Variants in GZMH observed in about 807,000 individuals in gnomAD.
GZMH encodes the protein cathepsin G-like 2, protein h-CCPX.
In GZMH, 24 loss-of-function variants were observed where a neutral mutation model predicts 20.7. That is an observed-to-expected ratio of 1.16 (90% CI 0.84 to 1.63). The LOEUF (loss-of-function observed/expected upper bound fraction) is 1.63. GZMH is among the 40% of genes most tolerant of loss of function. The probability of loss-of-function intolerance (pLI) is 0.00; values close to 1 mark genes in which losing one functional copy is unlikely to be tolerated. For missense variants in GZMH, 344 were observed against 302.7 expected, an observed-to-expected ratio of 1.14 and a Z score of -1.01; for synonymous variants, 119 against 116.1, an observed-to-expected ratio of 1.02 and a Z score of -0.16.
rs2066878299 is a variant in GZMH, at chr14:24,607,422, C to G, written c.340-16G>C. ...TTCTCTCCAGCTGGTGGGGAAGAAGCAAGAAAGTCCAGGTCAGGCAATGGC... is the reference window on the plus strand; with the variant it reads ...TTCTCTCCAGCTGGTGGGGAAGAAGGAAGAAAGTCCAGGTCAGGCAATGGC... On this transcript the variant is annotated splice_polypyrimidine_tract_variant and intron_variant, in intron 3 of 4. Transcript: ENST00000216338. 6.3e-7 allele frequency: 1 copy of G among 1,583,128 alleles called. No individual in the cohort carries two copies. Among genetic ancestry groups the G allele is most frequent in the South Asian group, 1.2e-5 (1 of 86,492 alleles).
At chr14:24,607,453 G>A in intron 3 of GZMH, 47 bp from the exon 4 acceptor site, 1 of 1,574,300 alleles carries the variant, frequency 6.4e-7, no homozygotes, top group Non-Finnish European at 8.6e-7. Flanking sequence ...ATGGCCTTCT[G>A]GGCCCCGACA....
intron 4 of GZMH, 114 bp downstream of exon 4, chr14:24,607,035 A>G: frequency 8.9e-7 from 1 of 1,126,366 alleles, no homozygotes; most frequent in Non-Finnish European, 1.3e-6. Context: ...AGGGGGACAC[A>G]GGCTGCCCAA....
rs541491389 is a variant in GZMH at position 24,608,221 on chromosome 14, C to G, written c.203+44G>C. Reference sequence around the variant, plus strand: ...GCAGTCCCCAGGAGAAAACAAGGGTCCCTGTAGGGGGAACTCAGGAGGTGA... The same window carrying G: ...GCAGTCCCCAGGAGAAAACAAGGGTGCCTGTAGGGGGAACTCAGGAGGTGA... On this transcript the variant is annotated intron_variant, in intron 2 of 4. Transcript: ENST00000216338. 22 of 1,608,354 alleles carry G rather than the reference C, an allele frequency of 1.4e-5. No individual in the cohort carries two copies. The East Asian group carries it at 4.7e-4, about 34-fold the overall frequency.
chr14:24,606,573 C>G lies in GZMH; in HGVS notation c.*30G>C, dbSNP rs372416422. 3.6e-5 allele frequency: 57 copies of G among 1,603,956 alleles called. No homozygotes were observed. The African/African-American group carries it at 5.6e-4, about 16-fold the overall frequency. On this transcript the variant is annotated 3_prime_UTR_variant, in exon 5 of 5. Transcript: ENST00000216338. ...TGCCTCTGTCCCAGAGATGGTCAGG[C>G]CCAGAGGAAGGTTAGTCTCATGCCT...
At position 24,606,617 on chromosome 14, in the gene GZMH, T is replaced by A; in HGVS notation, c.727A>T (p.Met243Leu). Reference protein sequence around the residue: ...SHFLPWIKRTMKRL With the variant: ...SHFLPWIKRTLKRL ...CATGCCTGCTGTTAGAGGCGCTTCA[T>A]TGTTCTCTTTATCCAGGGCAGGAAG... The change falls in exon 5 of 5, where the codon ATG becomes TTG. Residue 243 changes from methionine to leucine, a missense_variant. Coordinates refer to ENST00000216338, the MANE Select transcript of GZMH (RefSeq NM_033423.5). The A allele has an allele frequency of 6.2e-7, 1 of 1,613,606 alleles. No individual in the cohort carries two copies.
chr14:24,609,680 G>T lies in GZMH; in HGVS notation c.-67C>A. On this transcript the variant is annotated 5_prime_UTR_variant, in exon 1 of 5. Coordinates refer to ENST00000216338, the MANE Select transcript of GZMH (RefSeq NM_033423.5). ...CTCCTTCCAGAAACAAATGCTGGAGGGAGATGAAGGAGGGATGGGTACAGT... is the reference window on the plus strand; with the variant it reads ...CTCCTTCCAGAAACAAATGCTGGAGTGAGATGAAGGAGGGATGGGTACAGT... The T allele has an allele frequency of 8.7e-7, 1 of 1,153,590 alleles. No homozygotes were observed. Among genetic ancestry groups the T allele is most frequent in the Non-Finnish European group, 1.3e-6 (1 of 777,924 alleles). 71.5% of individuals were successfully genotyped at this position (1,153,590 alleles called of 1,614,324 possible).
chr14:24,607,885 G>C, intron 2 of GZMH, 138 bp from the exon 3 acceptor site: 1 of 1,227,892 alleles, frequency 8.1e-7, no homozygotes, highest in East Asian at 2.4e-5. Context: ...CTCCAGGGCT[G>C]AGTGACTGTG....
chr14:24,607,156 C>T lies in GZMH; in HGVS notation c.590G>A (p.Gly197Asp), dbSNP rs757895960. The T allele has an allele frequency of 2.5e-6, 4 of 1,611,686 alleles. No homozygotes were observed. The South Asian group carries it at 4.4e-5, about 18-fold the overall frequency. ...AGAGGCTGGAAACCCAACCTTGAAA[C>T]CGGTCTGTGTCTTCTTTGGATCCCC... ...CVGDPKKTQT[G>D]FKGDSGGPLV... Residue 197 changes from glycine to aspartate, a missense_variant, in exon 4 of 5, where the codon GGT (glycine) becomes GAT (aspartate). Transcript: ENST00000216338.
Position 24,606,749 on chromosome 14 carries a change from G to T in GZMH, c.598-3C>A. On this transcript the variant is annotated splice_region_variant and splice_polypyrimidine_tract_variant and intron_variant, in intron 4 of 4. Coordinates refer to ENST00000216338, the MANE Select transcript of GZMH (RefSeq NM_033423.5). Reference sequence around the variant, plus strand: ...ACGAGGGGCCCCCCGGAGTCCCCCTGTGAACAGAGAGAGGAAAGACTGAGC... The same window carrying T: ...ACGAGGGGCCCCCCGGAGTCCCCCTTTGAACAGAGAGAGGAAAGACTGAGC... 1 of 1,612,250 alleles carries T rather than the reference G, an allele frequency of 6.2e-7. No homozygotes were observed. The highest frequency in any genetic ancestry group is 1.1e-5 in the South Asian group (1 of 90,950).
Position 24,606,624 on chromosome 14 carries a change from CTT to C in GZMH, c.718_719del (p.Lys240GlufsTer19). ...IKVSHFLPWI[K>X]RTMKRL ...GCTGTTAGAGGCGCTTCATTGTTCT[CTT>C]TATCCAGGGCAGGAAGTGTGAGACC... On this transcript the variant is annotated frameshift_variant, in exon 5 of 5. Transcript: ENST00000216338. LOFTEE classifies it low-confidence loss of function (END_TRUNC). 1.2e-6 allele frequency: 2 copies of C among 1,613,972 alleles called. No individual in the cohort carries two copies. Among genetic ancestry groups the C allele is most frequent in the Non-Finnish European group, 1.7e-6 (2 of 1,179,940 alleles).
At position 24,609,602 on chromosome 14, in the gene GZMH, G is replaced by A. The variant is rs368023214; in HGVS notation, c.12C>T (p.Phe4=). MQP[F]LLLLAFLLTP... ...TCAGAAGAAAGGCCAACAGGAGGAG[G>A]AATGGCTGCATTTTCTCAGGAAGGC... Residue 4 remains phenylalanine (F), a synonymous_variant, in exon 1 of 5, where the codon TTC becomes TTT. Coordinates refer to ENST00000216338, the MANE Select transcript of GZMH (RefSeq NM_033423.5). 1.9e-6 allele frequency: 3 copies of A among 1,610,938 alleles called. No individual in the cohort carries two copies. In the African/African-American group the frequency reaches 4.0e-5, roughly 22 times the overall value.
At chr14:24,607,086 C>T (rs1032875873) in intron 4 of GZMH, 63 bp downstream of exon 4, 1 of 1,535,168 alleles carries the variant, frequency 6.5e-7, no homozygotes, top group Non-Finnish European at 8.9e-7. Context: ...ACTGTCATAC[C>T]CCAGAACTCC....
rs72681018 is a variant in GZMH at position 24,607,496 on chromosome 14, C to T, written c.340-90G>A. On this transcript the variant is annotated intron_variant, in intron 3 of 4. Transcript: ENST00000216338. The stretch of plus-strand genomic sequence containing the variant: ...GGGGCTGCACAATCTTCCCTCTCCT[C>T]TAAGGCACAGGAACTGACCAAGAGG... 0.14 allele frequency: 186,784 copies of T among 1,307,464 alleles called. No homozygotes were observed. The highest frequency in any genetic ancestry group is 0.21 in the South Asian group (15,421 of 71,840). The allele number at this position is 1,307,464 out of a possible 1,614,324, so 81.0% of individuals were successfully genotyped here.
In GZMH at chr14:24,607,260, C is replaced by T. The variant is rs762484934; in HGVS notation, c.486G>A (p.Val162=). 4 of 1,614,150 alleles carry T rather than the reference C, an allele frequency of 2.5e-6. No homozygotes were observed. The highest frequency in any genetic ancestry group is 2.2e-5 in the East Asian group (1 of 44,876). Residue 162 remains valine, a synonymous_variant, in exon 4 of 5, where the codon GTG becomes GTA. Coordinates refer to ENST00000216338, the MANE Select transcript of GZMH (RefSeq NM_033423.5). ...GGCAGTCCTTCTGCACTGTCAGCAA[C>T]ACTTCCTGCAGTGTGGTTGCTAAAG... The part of the protein sequence containing the change: ...MSTLATTLQE[V]LLTVQKDCQC...
rs775541514 is a variant in GZMH at position 24,606,564 on chromosome 14, A to G, written c.*39T>C. The G allele has an allele frequency of 6.3e-7, 1 of 1,591,902 alleles. No individual in the cohort carries two copies. The highest frequency in any genetic ancestry group is 1.4e-5 in the African/African-American group (1 of 73,750). ...GGGGATTCTTGCCTCTGTCCCAGAG[A>G]TGGTCAGGCCCAGAGGAAGGTTAGT... On this transcript the variant is annotated 3_prime_UTR_variant, in exon 5 of 5. Transcript: ENST00000216338.
At position 24,607,696 on chromosome 14, in the gene GZMH, G is replaced by T; in HGVS notation, c.255C>A (p.Thr85=). 1 of 1,613,940 alleles carries T rather than the reference G, an allele frequency of 6.2e-7. No individual in the cohort carries two copies. The highest frequency in any genetic ancestry group is 1.1e-5 in the South Asian group (1 of 91,072). ...GTCTTTTCACAGGGATAAACTGCTGGGTCCGCTCCTGTTCCTTGATATTGT... is the reference window on the plus strand; with the variant it reads ...GTCTTTTCACAGGGATAAACTGCTGTGTCCGCTCCTGTTCCTTGATATTGT... ...GAHNIKEQER[T]QQFIPVKRPI... The change falls in exon 3 of 5, where the codon ACC becomes ACA. Residue 85 remains threonine, a synonymous_variant. Transcript: ENST00000216338.
At chr14:24,609,311 T>C (rs1230909731) in intron 1 of GZMH, among the ~76,000 whole-genome samples, 2 of 152,172 alleles carry the variant, frequency 1.3e-5, no homozygotes. Flanking sequence ...CCAAATGCCT[T>C]TCTAAGAACA....
Position 24,608,507 on chromosome 14 carries a change from G to A in GZMH, c.56-95C>T, listed in dbSNP as rs1023485212. The A allele has an allele frequency of 1.8e-5, 25 of 1,398,084 alleles. No homozygotes were observed. In the Admixed American group the frequency reaches 4.0e-4, roughly 22 times the overall value. 86.6% of individuals were successfully genotyped at this position (1,398,084 alleles called of 1,614,324 possible). ...AGTGATTGAGGGTGAAGTGTTTTGTGTGCTGCAGACAGTGAGGGAGGGGTC... is the reference window on the plus strand; with the variant it reads ...AGTGATTGAGGGTGAAGTGTTTTGTATGCTGCAGACAGTGAGGGAGGGGTC... On this transcript the variant is annotated intron_variant, in intron 1 of 4. Coordinates refer to ENST00000216338, the MANE Select transcript of GZMH (RefSeq NM_033423.5).
intron 2 of GZMH, 78 bp downstream of exon 2, chr14:24,608,187 C>T (rs2066885345): frequency 8.7e-6 from 13 of 1,492,984 alleles, no homozygotes; most frequent in Admixed American, 8.6e-5. Flanking sequence ...CTGGAAGCTC[C>T]CCTGGGCTGC....
Sources: gnomAD v4.1 joint callset for allele counts (sites outside exome capture counted in the v4.1 genomes callset) on GRCh38, gnomAD v4.1.1 for gene constraint, MANE v1.5 for transcripts, NCBI Gene and HGNC (gene_info 2026-07-23, HGNC 2026-07-21) for gene names.